SPRED1: variants seen among roughly 807,000 people sequenced by gnomAD.
The protein encoded by SPRED1 is sprouty related EVH1 domain containing 1.
SPRED1 carries 18 observed loss-of-function variants against 52.3 expected under a neutral mutation model. The observed-to-expected ratio is 0.34, with a 90% confidence interval of 0.24 to 0.51. The LOEUF (loss-of-function observed/expected upper bound fraction) is 0.51. Ranked by LOEUF, SPRED1 falls within the 20% of genes least tolerant of loss-of-function variation. The probability of loss-of-function intolerance (pLI) is 0.97; values close to 1 mark genes in which losing one functional copy is unlikely to be tolerated. For missense variants in SPRED1, 485 were observed against 551.0 expected (o/e 0.88, Z 1.20); for synonymous variants, 155 against 179.7 (o/e 0.86, Z 1.10).
At chr15:38,334,884 A>G (rs1895880019) in intron 4 of SPRED1, among the ~76,000 whole-genome samples, 1 of 76,900 alleles carries the variant, frequency 1.3e-5, no homozygotes, top group African/African-American at 3.6e-5. Context: ...TGGGTCAAAA[A>G]GTACGGATTT....
intron 4 of SPRED1, among the ~76,000 whole-genome samples, chr15:38,328,432 TTCA>T: frequency 6.6e-6 from 1 of 152,314 alleles, no homozygotes; most frequent in Non-Finnish European, 1.5e-5. Flanking sequence ...AATTAATGTC[TTCA>T]TCAATTATCA....
chr15:38,294,921 C>G (rs1895001525), intron 1 of SPRED1, among the ~76,000 whole-genome samples: 1 of 152,112 alleles, frequency 6.6e-6, no homozygotes, highest in African/African-American at 2.4e-5. Flanking sequence ...GATTCATAAT[C>G]CTTTCCAGGA....
At chr15:38,302,266 C>T (rs925026777) in intron 2 of SPRED1, among the ~76,000 whole-genome samples, 1 of 152,120 alleles carries the variant, frequency 6.6e-6, no homozygotes, top group African/African-American at 2.4e-5. Context: ...TGGCCCTTAT[C>T]AGTTATGAGA....
In SPRED1 at chr15:38,339,855, T is replaced by C. The variant is rs1300381166; in HGVS notation, c.542T>C (p.Leu181Pro). The change falls in exon 5 of 7, where the codon CTG becomes CCG. Residue 181 changes from leucine to proline, a missense_variant. Physicochemically the swap from Leu to Pro is moderately conservative, Grantham distance 98 (BLOSUM62 -3). Coordinates refer to ENST00000299084, the MANE Select transcript of SPRED1 (RefSeq NM_152594.3). ...ATAAGACCTTCTCCCTTTGAAGATC[T>C]GAATGCCAGAAGAGTCTACATGCAA... ...SNIRPSPFED[L>P]NARRVYMQSQ... is the part of the protein sequence containing the mutation. 3.1e-6 allele frequency: 5 copies of C among 1,613,950 alleles called. No homozygotes were observed. Among genetic ancestry groups the C allele is most frequent in the Non-Finnish European group, 3.4e-6 (4 of 1,179,924 alleles).
chr15:38,317,053 G>A (rs919149117), intron 2 of SPRED1, among the ~76,000 whole-genome samples: 2 of 151,482 alleles, frequency 1.3e-5, no homozygotes, highest in African/African-American at 4.8e-5. Flanking sequence ...TAAAAAAGAG[G>A]GTGAGGCCAC....
chr15:38,263,305 C>T (rs1449855683), intron 1 of SPRED1, among the ~76,000 whole-genome samples: 1 of 152,070 alleles, frequency 6.6e-6, no homozygotes, highest in Non-Finnish European at 1.5e-5. Flanking sequence ...TACTGGATGT[C>T]AAGGTAGAAA....
intron 1 of SPRED1, among the ~76,000 whole-genome samples, chr15:38,270,950 CTT>C (rs1313219686): frequency 1.3e-5 from 2 of 152,120 alleles, no homozygotes; most frequent in Non-Finnish European, 2.9e-5. Flanking sequence ...AGCTAATCAT[CTT>C]TATGATCTGC....
chr15:38,309,385 C>T (rs1176098379), intron 2 of SPRED1, among the ~76,000 whole-genome samples: 1 of 152,248 alleles, frequency 6.6e-6, no homozygotes, highest in East Asian at 1.9e-4. Flanking sequence ...AAGTGATCTG[C>T]CCGCCTTAGC....
intron 1 of SPRED1, among the ~76,000 whole-genome samples, chr15:38,262,002 T>C (rs1246085539): frequency 6.6e-6 from 1 of 151,778 alleles, no homozygotes; most frequent in East Asian, 1.9e-4. Context: ...CAAACTCTTT[T>C]TTTTTTTTTT....
Position 38,324,809 on chromosome 15 carries a change from A to G in SPRED1, c.423A>G (p.Gln141=). 6.2e-7 allele frequency: 1 copy of G among 1,611,750 alleles called. No homozygotes were observed. Among genetic ancestry groups the G allele is most frequent in the Non-Finnish European group, 8.5e-7 (1 of 1,178,724 alleles). ...AAGCTGAAGGGGCAGATGACTTACA[A>G]GTAAGTAATGGCTTGGAAGGAATTT... is the stretch of plus-strand genomic sequence containing the variant. ...KNEAEGADDL[Q]ANEEDSSSSL... is the part of the protein sequence containing the mutation. Residue 141 remains glutamine (Q), a splice_region_variant and synonymous_variant, in exon 4 of 7, where the codon CAA becomes CAG. Transcript: ENST00000299084.
intron 2 of SPRED1, among the ~76,000 whole-genome samples, chr15:38,316,249 T>C (rs1250211692): frequency 6.6e-6 from 1 of 152,048 alleles, no homozygotes; most frequent in Non-Finnish European, 1.5e-5. Flanking sequence ...AATAAATTTA[T>C]GTCAACAGTA....
Position 38,301,903 on chromosome 15 carries a change from A to G in SPRED1, c.207+2356A>G, listed in dbSNP as rs1916151. Among the ~76,000 whole-genome samples the G allele has an allele frequency of 1.3e-3, 192 of 151,696 alleles. 1 individual carries two copies. The highest frequency in any genetic ancestry group is 2.3e-3 in the Non-Finnish European group (153 of 67,932). ...TTTTTTTTAAAGAAGTATTATGTTT[A>G]CTGAGTCTGTAAGTCTACAGGGTTC... On this transcript the variant is annotated intron_variant, in intron 2 of 6. Coordinates refer to ENST00000299084, the MANE Select transcript of SPRED1 (RefSeq NM_152594.3).
chr15:38,318,987 A>C (rs1213844094), intron 2 of SPRED1, among the ~76,000 whole-genome samples: 2 of 152,122 alleles, frequency 1.3e-5, no homozygotes, highest in Non-Finnish European at 2.9e-5. Context: ...AGGGTAGATC[A>C]CATTGAAATT....
intron 4 of SPRED1, among the ~76,000 whole-genome samples, chr15:38,329,185 G>C (rs8027166): frequency 0.21 from 32,203 of 152,052 alleles, 3,944 homozygotes; most frequent in Non-Finnish European, 0.27. Context: ...GGTTGAAAGA[G>C]GAAAAGATCT....
At chr15:38,268,018 A>G (rs1222828088) in intron 1 of SPRED1, among the ~76,000 whole-genome samples, 2 of 152,364 alleles carry the variant, frequency 1.3e-5, no homozygotes, top group African/African-American at 4.8e-5. Context: ...ATTAGAATTC[A>G]GTGTTCACAT....
At position 38,352,023 on chromosome 15, in the gene SPRED1, G is replaced by A. The variant is rs537079236; in HGVS notation, c.*359G>A. The A allele has an allele frequency of 4.0e-5, 10 of 250,058 alleles. No homozygotes were observed. The highest frequency in any genetic ancestry group is 1.2e-4 in the South Asian group (2 of 16,136). 15.5% of individuals were successfully genotyped at this position (250,058 alleles called of 1,614,324 possible). On this transcript the variant is annotated 3_prime_UTR_variant, in exon 7 of 7. Transcript: ENST00000299084. Reference sequence around the variant, plus strand: ...TAAAGGTTTGAATTTATTAGGACACGAACTAAAAATAAAAGTGCACTAGGG... The same window carrying A: ...TAAAGGTTTGAATTTATTAGGACACAAACTAAAAATAAAAGTGCACTAGGG...
At chr15:38,308,090 C>G (rs1895288400) in intron 2 of SPRED1, among the ~76,000 whole-genome samples, 1 of 152,042 alleles carries the variant, frequency 6.6e-6, no homozygotes, top group African/African-American at 2.4e-5. Flanking sequence ...TGTCCTTTAC[C>G]ATGATAAGGA....
intron 5 of SPRED1, among the ~76,000 whole-genome samples, chr15:38,345,095 G>C (rs1595760091): frequency 6.6e-6 from 1 of 152,254 alleles, no homozygotes; most frequent in East Asian, 1.9e-4. Context: ...TGACCAAGAA[G>C]GCCTCACAGG....
chr15:38,261,328 A>C (rs949447381), intron 1 of SPRED1, among the ~76,000 whole-genome samples: 2 of 152,168 alleles, frequency 1.3e-5, no homozygotes, highest in Admixed American at 6.5e-5. Context: ...ATTTTTTTGT[A>C]CTTCTGAATT....
Sources: allele counts gnomAD v4.1 joint callset (sites outside exome capture counted in the v4.1 genomes callset), GRCh38; gene constraint gnomAD v4.1.1; transcripts MANE v1.5; gene names NCBI Gene and HGNC (gene_info 2026-07-23, HGNC 2026-07-21).